Variants in IPO8 observed in about 807,000 individuals in gnomAD.
IPO8 encodes the protein importin 8.
Under a neutral mutation model 141.2 loss-of-function variants are expected in IPO8, and 65 were observed. That is an observed-to-expected ratio of 0.46 (90% CI 0.38 to 0.57). The LOEUF is 0.57. Ranked by LOEUF, IPO8 falls within the 20% of genes least tolerant of loss-of-function variation. The pLI is 0.00. For synonymous variants in IPO8, 411 were observed against 420.3 expected, an observed-to-expected ratio of 0.98 and a Z score of 0.27; for missense variants, 980 against 1,246.8, an observed-to-expected ratio of 0.79 and a Z score of 3.22.
At chr12:30,686,338 T>G (rs1434206221) in intron 2 of IPO8, 1 of 152,234 alleles carries the variant, frequency 6.6e-6, no homozygotes, top group African/African-American at 2.4e-5. Flanking sequence ...CAGTTCAGAC[T>G]GATTTCACAG....
chr12:30,687,947 C>T (rs2053258368), intron 2 of IPO8, among the ~76,000 whole-genome samples: 1 of 152,156 alleles, frequency 6.6e-6, no homozygotes, highest in Non-Finnish European at 1.5e-5. Context: ...GACAGTCCCA[C>T]ATCTGTCACC....
rs113957272 is a variant in IPO8, at chr12:30,690,420, T to C, written c.166+76A>G. The C allele has an allele frequency of 3.3e-4, 272 of 834,046 alleles. 2 individuals carry two copies. In the African/African-American group the frequency reaches 4.1e-3, roughly 13 times the overall value. 51.7% of individuals were successfully genotyped at this position (834,046 alleles called of 1,614,324 possible). A position where few individuals can be genotyped will look rare whatever the true frequency, so the allele number is the denominator to read the frequency against. On this transcript the variant is annotated intron_variant, in intron 2 of 24. Coordinates refer to ENST00000256079, the MANE Select transcript of IPO8 (RefSeq NM_006390.4). ...TCTGAATTTTTCAATAAATTACAGATATGTAAAATTAAAATAAAACTCTCA... is the reference window on the plus strand; with the variant it reads ...TCTGAATTTTTCAATAAATTACAGACATGTAAAATTAAAATAAAACTCTCA...
At position 30,695,503 on chromosome 12, in the gene IPO8, C is replaced by A; in HGVS notation, c.84+61G>T. 5 of 1,497,020 alleles carry A rather than the reference C, an allele frequency of 3.3e-6. No individual in the cohort carries two copies. The highest frequency in any genetic ancestry group is 4.6e-6 in the Non-Finnish European group (5 of 1,077,896). 92.7% of individuals were successfully genotyped at this position (1,497,020 alleles called of 1,614,324 possible). ...ACGAGGGGCGCCGGGGAGAGGGAGCCCGGCCAGCCGGCAGGGGCGCCCCTT... is the reference window on the plus strand; with the variant it reads ...ACGAGGGGCGCCGGGGAGAGGGAGCACGGCCAGCCGGCAGGGGCGCCCCTT... On this transcript the variant is annotated intron_variant, in intron 1 of 24. Coordinates refer to ENST00000256079, the MANE Select transcript of IPO8 (RefSeq NM_006390.4). This position sits in a 1 kb window ranked among gnomAD's most constrained non-coding sequence, Gnocchi z 4.2.
chr12:30,659,217 T>C (rs1158501544), intron 16 of IPO8, among the ~76,000 whole-genome samples: 1 of 152,048 alleles, frequency 6.6e-6, no homozygotes, highest in Non-Finnish European at 1.5e-5. Context: ...CAGCCGGGCA[T>C]AGTGGCTCAT....
intron 19 of IPO8, among the ~76,000 whole-genome samples, chr12:30,651,550 C>G (rs2052726290): frequency 6.6e-6 from 1 of 151,894 alleles, no homozygotes; most frequent in South Asian, 2.1e-4. Flanking sequence ...AATATAGTTT[C>G]AGTTTCATAT....
Position 30,681,790 on chromosome 12 carries a change from G to A in IPO8, c.351C>T (p.Ala117=). The A allele has an allele frequency of 1.9e-6, 3 of 1,613,468 alleles. No homozygotes were observed. The highest frequency in any genetic ancestry group is 2.5e-6 in the Non-Finnish European group (3 of 1,179,588). ...VRVQLTMCLR[A]IIKHDFPGHW... is the part of the protein sequence containing the mutation. ...GACCAGGAAAATCATGTTTTATGAT[G>A]GCACGGAGACACATTGTTAATTGGA... The change falls in exon 4 of 25, where the codon GCC becomes GCT. Residue 117 remains alanine (A), a synonymous_variant. Coordinates refer to ENST00000256079, the MANE Select transcript of IPO8 (RefSeq NM_006390.4).
chr12:30,652,956 C>A lies in IPO8; in HGVS notation c.2074+11G>T. On this transcript the variant is annotated intron_variant, in intron 18 of 24. Transcript: ENST00000256079. The stretch of plus-strand genomic sequence containing the variant: ...CAGAAAAGCAAAAATTTTATATGGT[C>A]AAAGCCATACCTGTAAAGTATTCAA... 1 of 1,589,834 alleles carries A rather than the reference C, an allele frequency of 6.3e-7. No homozygotes were observed. Among genetic ancestry groups the A allele is most frequent in the South Asian group, 1.1e-5 (1 of 86,982 alleles).
chr12:30,645,513 C>A (rs141869304), intron 20 of IPO8, among the ~76,000 whole-genome samples: 1 of 150,842 alleles, frequency 6.6e-6, no homozygotes. Context: ...AGCAAGCAGA[C>A]GGGAAAAAAT....
chr12:30,651,341 A>C (rs2052723969), intron 19 of IPO8, among the ~76,000 whole-genome samples: 1 of 152,114 alleles, frequency 6.6e-6, no homozygotes, highest in African/African-American at 2.4e-5. Flanking sequence ...TTAGAACTGA[A>C]CTGAGACCTA....
At chr12:30,677,968 C>T (rs1347925796) in intron 5 of IPO8, among the ~76,000 whole-genome samples, 2 of 151,596 alleles carry the variant, frequency 1.3e-5, no homozygotes, top group African/African-American at 2.4e-5. Flanking sequence ...AACCCCGTCT[C>T]TACTAAGAAT....
At position 30,677,123 on chromosome 12, in the gene IPO8, A is replaced by G. The variant is rs537179449; in HGVS notation, c.640-536T>C. On this transcript the variant is annotated intron_variant, in intron 5 of 24. Coordinates refer to ENST00000256079, the MANE Select transcript of IPO8 (RefSeq NM_006390.4). ...GTACAAAACATGCTACATGCTACAG[A>G]CATAATAAGATAGACAATCTTTGCC... 3 of 1,466,388 alleles carry G rather than the reference A, an allele frequency of 2.0e-6. No homozygotes were observed. The African/African-American group carries it at 4.2e-5, about 20-fold the overall frequency. The allele number at this position is 1,466,388 out of a possible 1,614,324, so 90.8% of individuals were successfully genotyped here.
intron 16 of IPO8, 79 bp from the exon 17 acceptor site, chr12:30,656,829 CAAGAG>C: frequency 1.5e-6 from 1 of 657,182 alleles, no homozygotes; most frequent in Non-Finnish European, 2.4e-6. Context: ...ATAAAAATAT[CAAGAG>C]GACATTTTTG....
At chr12:30,682,947 G>A (rs551492762) in intron 3 of IPO8, among the ~76,000 whole-genome samples, 8 of 152,142 alleles carry the variant, frequency 5.3e-5, no homozygotes, top group African/African-American at 7.2e-5. Flanking sequence ...GAACCGTCCC[G>A]TAATAAAGAT....
intron 2 of IPO8, 67 bp downstream of exon 2, chr12:30,690,429 T>C (rs1340842811): frequency 5.4e-6 from 5 of 925,502 alleles, no homozygotes; most frequent in East Asian, 5.2e-5. Context: ...ATATGTAAAA[T>C]TAAAATAAAA....
rs577989921 is a variant in IPO8, at chr12:30,661,152, C to T, written c.1870G>A (p.Asp624Asn). ...TIDTILTVVE[D>N]HKEITQQLEN... ...CAAAGAAATCTCACCTCTTTATGAT[C>T]TTCTACAACTGTTAAGATAGTATCA... The change falls in exon 16 of 25, where the codon GAT becomes AAT. Residue 624 changes from aspartate to asparagine, a missense_variant. By Grantham distance (23) the Asp-to-Asn change is conservative (BLOSUM62 1). Coordinates refer to ENST00000256079, the MANE Select transcript of IPO8 (RefSeq NM_006390.4). 4 of 1,552,500 alleles carry T rather than the reference C, an allele frequency of 2.6e-6. No individual in the cohort carries two copies. The highest frequency in any genetic ancestry group is 2.5e-5 in the East Asian group (1 of 40,760).
chr12:30,651,494 T>C (rs77593556), intron 19 of IPO8, among the ~76,000 whole-genome samples: 107 of 152,222 alleles, frequency 7.0e-4, no homozygotes, highest in East Asian at 6.4e-3. Context: ...AACGTTTTGG[T>C]TTCTGGTTAT....
chr12:30,632,930 A>G (rs1292971819), intron 23 of IPO8, among the ~76,000 whole-genome samples: 2 of 152,182 alleles, frequency 1.3e-5, no homozygotes, highest in African/African-American at 2.4e-5. Flanking sequence ...TGGCCCCTAC[A>G]TGCTGGTTTA....
rs1212801388 is a variant in IPO8, at chr12:30,684,437, T to G, written c.187A>C (p.Met63Leu). Residue 63 changes from methionine to leucine, a missense_variant, in exon 3 of 25, where the codon ATG becomes CTG. Met to Leu is a conservative substitution (Grantham distance 15, BLOSUM62 2). This residue lies in a region of IPO8 where 16 missense variants were observed against 46.6 expected (regional missense o/e 0.34). Coordinates refer to ENST00000256079, the MANE Select transcript of IPO8 (RefSeq NM_006390.4). ...CGATCTGGCCAGTATTGTGTCACCATGTTCTTCAGGTAAATGGCAGCTGAG... is the reference window on the plus strand; with the variant it reads ...CGATCTGGCCAGTATTGTGTCACCAGGTTCTTCAGGTAAATGGCAGCTGAG... Reference protein sequence around the residue: ...RQAAAIYLKNMVTQYWPDREP... With the variant: ...RQAAAIYLKNLVTQYWPDREP... 1 of 1,613,802 alleles carries G rather than the reference T, an allele frequency of 6.2e-7. No homozygotes were observed. Among genetic ancestry groups the G allele is most frequent in the Non-Finnish European group, 8.5e-7 (1 of 1,179,952 alleles).
At position 30,695,116 on chromosome 12, in the gene IPO8, A is replaced by C. The variant is rs541383501; in HGVS notation, c.84+448T>G. On this transcript the variant is annotated intron_variant, in intron 1 of 24. Transcript: ENST00000256079. The surrounding 1 kb of genome is among the most constrained non-coding windows in gnomAD (Gnocchi z 4.2). ...ACAGTCCTGCCAACCCGACAGGAGG[A>C]GGCGGTGGGCAGCGTGCTCCACAGC... 3.2e-5 allele frequency: 14 copies of C among 436,754 alleles called. No individual in the cohort carries two copies. The East Asian group carries it at 9.1e-4, about 29-fold the overall frequency. The allele number at this position is 436,754 out of a possible 1,614,324, so 27.1% of individuals were successfully genotyped here. A position where few individuals can be genotyped will look rare whatever the true frequency, so the allele number is the denominator to read the frequency against.
Sources: allele counts gnomAD v4.1 joint callset (sites outside exome capture counted in the v4.1 genomes callset), GRCh38; gene constraint gnomAD v4.1.1; regional missense constraint gnomAD v4.1.1; non-coding constraint Gnocchi (gnomAD v3.1); transcripts MANE v1.5; gene names NCBI Gene and HGNC (gene_info 2026-07-23, HGNC 2026-07-21).